Variants in FSTL4 observed in about 807,000 individuals in gnomAD.
The protein encoded by FSTL4 is follistatin-related protein 4.
A neutral mutation model predicts 78.2 loss-of-function variants in FSTL4; 28 were observed. The ratio of observed to expected loss-of-function variants is 0.36; its 90% CI spans 0.27 to 0.49. The LOEUF (loss-of-function observed/expected upper bound fraction) is 0.49. Ranked by LOEUF, FSTL4 falls within the 20% of genes least tolerant of loss-of-function variation. FSTL4 has a pLI of 0.98. For synonymous variants in FSTL4, 422 were observed against 440.5 expected (o/e 0.96, Z 0.53); for missense variants, 922 against 1,084.9 (o/e 0.85, Z 2.11).
chr5:133,329,037 C>T (rs867126125), intron 4 of FSTL4, among the ~76,000 whole-genome samples: 20 of 152,138 alleles, frequency 1.3e-4, no homozygotes, highest in Admixed American at 1.1e-3. Context: ...CATAGAGACA[C>T]GGCCGGGTCT....
chr5:133,409,359 T>C (rs1756433499), intron 3 of FSTL4, among the ~76,000 whole-genome samples: 1 of 152,238 alleles, frequency 6.6e-6, no homozygotes, highest in Admixed American at 6.5e-5. Context: ...GCTCACCTGC[T>C]ACAGACAGGT....
At chr5:133,702,151 G>A in the FSTL4 span, among the ~76,000 whole-genome samples, 4 of 152,298 alleles carry the variant, frequency 2.6e-5, no homozygotes, top group Admixed American at 6.5e-5. Context: ...TTGAAGCATC[G>A]CTGTGTAAAC....
chr5:133,801,400 T>C, the FSTL4 span, among the ~76,000 whole-genome samples: 16 of 152,128 alleles, frequency 1.1e-4, no homozygotes, highest in South Asian at 1.0e-3. Context: ...CCATCACCCT[T>C]CATTCCTCTC....
At chr5:133,212,909 T>C (rs927563472) in intron 13 of FSTL4, among the ~76,000 whole-genome samples, 4 of 151,724 alleles carry the variant, frequency 2.6e-5, no homozygotes, top group African/African-American at 9.7e-5. Context: ...ACAATAAGAC[T>C]ATCAGCAAAA....
chr5:133,636,641 G>GTTA, the FSTL4 span, among the ~76,000 whole-genome samples: 1 of 152,064 alleles, frequency 6.6e-6, no homozygotes, highest in Non-Finnish European at 1.5e-5. Flanking sequence ...GATTAAATGA[G>GTTA]TTAATATATG....
intron 3 of FSTL4, among the ~76,000 whole-genome samples, chr5:133,454,550 A>G (rs1364526905): frequency 6.6e-6 from 1 of 152,214 alleles, no homozygotes; most frequent in Non-Finnish European, 1.5e-5. Flanking sequence ...CTGCCTGGAC[A>G]TAGAAACTAT....
At chr5:133,791,014 C>T in the FSTL4 span, among the ~76,000 whole-genome samples, 3 of 152,196 alleles carry the variant, frequency 2.0e-5, no homozygotes, top group East Asian at 3.8e-4. Flanking sequence ...TGCCAGGCCC[C>T]ATTGCCTCTC....
At chr5:133,489,610 C>A (rs1758215793) in intron 3 of FSTL4, among the ~76,000 whole-genome samples, 1 of 152,288 alleles carries the variant, frequency 6.6e-6, no homozygotes, top group Non-Finnish European at 1.5e-5. Context: ...GGCTCAGGGA[C>A]CAATGCCAGT....
intron 3 of FSTL4, among the ~76,000 whole-genome samples, chr5:133,433,278 A>G (rs1288977233): frequency 4.6e-5 from 7 of 152,190 alleles, no homozygotes; most frequent in Admixed American, 3.9e-4. Context: ...GTGCAAATCC[A>G]TTCCACCTGC....
intron 10 of FSTL4, 154 bp from the exon 11 acceptor site, chr5:133,224,370 A>T (rs932627324): frequency 1.0e-5 from 6 of 582,452 alleles, no homozygotes; most frequent in Non-Finnish European, 1.6e-5. Flanking sequence ...TGCCCTAGGA[A>T]CAGTATCTTG....
At chr5:133,779,377 G>C in the FSTL4 span, among the ~76,000 whole-genome samples, 5 of 152,154 alleles carry the variant, frequency 3.3e-5, no homozygotes, top group Non-Finnish European at 4.4e-5. Context: ...ACAAGGTCAG[G>C]AGATGGAGAC....
the FSTL4 span, among the ~76,000 whole-genome samples, chr5:133,740,946 TG>T: frequency 3.3e-5 from 5 of 151,334 alleles, no homozygotes; most frequent in Non-Finnish European, 5.9e-5. Context: ...GATGGATGGA[TG>T]GATGGATGGA....
At chr5:133,543,152 G>A (rs973886937) in intron 3 of FSTL4, among the ~76,000 whole-genome samples, 8 of 152,110 alleles carry the variant, frequency 5.3e-5, no homozygotes, top group African/African-American at 1.9e-4. Flanking sequence ...CTTGGCTCAA[G>A]TGATCCTCCC....
chr5:133,725,786 C>T, the FSTL4 span, among the ~76,000 whole-genome samples: 4 of 152,202 alleles, frequency 2.6e-5, no homozygotes, highest in Non-Finnish European at 5.9e-5. Flanking sequence ...TCCAAAACTT[C>T]AGTCAGTCAC....
At chr5:133,836,753 A>G in the FSTL4 span, among the ~76,000 whole-genome samples, 1 of 152,054 alleles carries the variant, frequency 6.6e-6, no homozygotes, top group South Asian at 2.1e-4. Flanking sequence ...TTGTTTCACC[A>G]TGGTTCTGAT....
chr5:133,709,107 G>A, the FSTL4 span, among the ~76,000 whole-genome samples: 1 of 152,238 alleles, frequency 6.6e-6, no homozygotes, highest in African/African-American at 2.4e-5. Flanking sequence ...CACATGGACT[G>A]TGTCAAAGTG....
chr5:133,258,883 C>T (rs1752446698), intron 6 of FSTL4, among the ~76,000 whole-genome samples: 1 of 152,192 alleles, frequency 6.6e-6, no homozygotes, highest in Non-Finnish European at 1.5e-5. Flanking sequence ...CAGGCCAAGT[C>T]ATCCAGGTCA....
In FSTL4 at chr5:133,573,622, TGG is replaced by T. The variant is rs1760209311; in HGVS notation, c.127-6405_127-6404del. 2.0e-5 allele frequency among the ~76,000 whole-genome samples: 3 copies of T among 152,092 alleles called. No homozygotes were observed. The South Asian group carries it at 6.2e-4, about 32-fold the overall frequency. ...GGAGAATTTTTTTAACCCACAATAATGGTTGGAAAATTTAAAAAATCTCTGTC... is the reference window on the plus strand; with the variant it reads ...GGAGAATTTTTTTAACCCACAATAATTTGGAAAATTTAAAAAATCTCTGTC... On this transcript the variant is annotated intron_variant, in intron 2 of 15. Transcript: ENST00000265342.
At chr5:133,227,505 G>A (rs981483506) in intron 8 of FSTL4, among the ~76,000 whole-genome samples, 17 of 152,146 alleles carry the variant, frequency 1.1e-4, no homozygotes, top group South Asian at 1.0e-3. Context: ...AATTTTGGTC[G>A]GAATTCAGTA....
Sources: gnomAD v4.1 joint callset for allele counts (sites outside exome capture counted in the v4.1 genomes callset) on GRCh38, gnomAD v4.1.1 for gene constraint, MANE v1.5 for transcripts, NCBI Gene and HGNC (gene_info 2026-07-23, HGNC 2026-07-21) for gene names.